Variants in ASTN2 observed in about 807,000 individuals in gnomAD.
ASTN2 encodes the protein astrotactin-2.
A neutral mutation model predicts 139.8 loss-of-function variants in ASTN2; 54 were observed. That is an observed-to-expected ratio of 0.39 (90% CI 0.31 to 0.48). ASTN2 has a LOEUF of 0.48. Among genes scored for constraint, ASTN2 ranks in the 20% least tolerant of loss-of-function variants. The pLI, the probability that ASTN2 is intolerant of heterozygous loss-of-function variation, is 0.95. For missense variants in ASTN2, 1,565 were observed against 1,725.1 expected (o/e 0.91, Z 1.64); for synonymous variants, 756 against 719.5 (o/e 1.05, Z -0.81).
intron 20 of ASTN2, among the ~76,000 whole-genome samples, chr9:116,442,770 A>T (rs983340785): frequency 6.6e-6 from 1 of 152,196 alleles, no homozygotes; most frequent in Non-Finnish European, 1.5e-5. Context: ...CATCTTGTCA[A>T]TGAGGACACT....
chr9:116,675,276 G>T (rs891696553), intron 16 of ASTN2, among the ~76,000 whole-genome samples: 1 of 152,166 alleles, frequency 6.6e-6, no homozygotes, highest in African/African-American at 2.4e-5. Context: ...ATCACAGGGT[G>T]TCAGTCTGTA....
intron 7 of ASTN2, among the ~76,000 whole-genome samples, chr9:117,006,201 A>G (rs1837349603): frequency 6.6e-6 from 1 of 152,096 alleles, no homozygotes; most frequent in Non-Finnish European, 1.5e-5. Flanking sequence ...AGGTTCTACT[A>G]CTGGAACCCC....
chr9:117,186,440 G>A (rs1324683022), intron 3 of ASTN2, among the ~76,000 whole-genome samples: 3 of 152,118 alleles, frequency 2.0e-5, no homozygotes, highest in East Asian at 3.9e-4. Flanking sequence ...CCAGCTACTC[G>A]GGAGGCTGAA....
At chr9:116,528,596 A>G (rs1182572079) in intron 19 of ASTN2, among the ~76,000 whole-genome samples, 9 of 152,206 alleles carry the variant, frequency 5.9e-5, no homozygotes, top group African/African-American at 2.2e-4. Context: ...AGTAAAGAGA[A>G]ACCAAATGTT....
At chr9:116,707,901 C>A (rs1201109115) in intron 16 of ASTN2, among the ~76,000 whole-genome samples, 1 of 152,066 alleles carries the variant, frequency 6.6e-6, no homozygotes, top group African/African-American at 2.4e-5. Flanking sequence ...AATAGATATG[C>A]CTCATCTTAA....
intron 19 of ASTN2, among the ~76,000 whole-genome samples, chr9:116,527,469 A>C (rs1851144233): frequency 6.6e-6 from 1 of 152,234 alleles, no homozygotes; most frequent in Admixed American, 6.5e-5. Flanking sequence ...TTAAAACTGC[A>C]ATAAGAAATC....
intron 17 of ASTN2, among the ~76,000 whole-genome samples, chr9:116,643,917 T>A (rs1257298944): frequency 6.6e-6 from 1 of 152,206 alleles, no homozygotes; most frequent in African/African-American, 2.4e-5. Flanking sequence ...TAGTAGCATA[T>A]GTGTCCTTGT....
intron 5 of ASTN2, among the ~76,000 whole-genome samples, chr9:117,061,573 G>A (rs928762039): frequency 1.3e-5 from 2 of 152,120 alleles, no homozygotes; most frequent in Admixed American, 1.3e-4. Context: ...TAAACGTCCA[G>A]CTTAAGCCCT....
At chr9:117,003,976 GT>G (rs1837282392) in intron 7 of ASTN2, among the ~76,000 whole-genome samples, 1 of 148,524 alleles carries the variant, frequency 6.7e-6, no homozygotes, top group African/African-American at 2.5e-5. Flanking sequence ...GTGTGTGTGT[GT>G]TTTGCGTGTT....
intron 13 of ASTN2, among the ~76,000 whole-genome samples, chr9:116,735,406 T>A (rs898085966): frequency 6.6e-6 from 1 of 152,220 alleles, no homozygotes; most frequent in Non-Finnish European, 1.5e-5. Context: ...GGACTAAATG[T>A]CCTCATGCTT....
At chr9:117,380,296 C>T (rs1376394829) in intron 1 of ASTN2, among the ~76,000 whole-genome samples, 1 of 152,018 alleles carries the variant, frequency 6.6e-6, no homozygotes, top group Non-Finnish European at 1.5e-5. Context: ...AGAAAGAGAT[C>T]ACAGGATGCT....
chr9:116,715,537 G>A (rs908853917), intron 16 of ASTN2, among the ~76,000 whole-genome samples: 1 of 151,962 alleles, frequency 6.6e-6, no homozygotes, highest in African/African-American at 2.4e-5. Context: ...TTTCCTCCAG[G>A]AAGACTTCCC....
intron 4 of ASTN2, among the ~76,000 whole-genome samples, chr9:117,099,190 T>TA (rs1271005492): frequency 2.0e-5 from 3 of 151,942 alleles, no homozygotes; most frequent in Non-Finnish European, 4.4e-5. Flanking sequence ...AGGCATCTGA[T>TA]AAAGTCATTC....
Position 116,805,636 on chromosome 9 carries a change from A to G in ASTN2, c.2392T>C (p.Phe798Leu). 6.2e-7 allele frequency: 1 copy of G among 1,613,562 alleles called. No individual in the cohort carries two copies. Among genetic ancestry groups the G allele is most frequent in the Non-Finnish European group, 8.5e-7 (1 of 1,179,710 alleles). The change falls in exon 13 of 23, where the codon TTT becomes CTT. Residue 798 changes from phenylalanine (F) to leucine (L), a missense_variant. By Grantham distance (22) the Phe-to-Leu change is conservative. Transcript: ENST00000313400. ...GTGCAAGTATCTACAGCATACCTAA[A>G]GGTCATCTGGAAGACTTGGCCTTGG... Reference protein sequence around the residue: ...VNQGQVFQMTFRENNFIKDFP... With the variant: ...VNQGQVFQMTLRENNFIKDFP...
Position 116,590,992 on chromosome 9 carries a change from C to T in ASTN2, c.3355+27332G>A, listed in dbSNP as rs146092613. Among the ~76,000 whole-genome samples the T allele has an allele frequency of 2.0e-3, 306 of 152,314 alleles. 2 individuals are homozygous for T. The highest frequency in any genetic ancestry group is 6.8e-3 in the Middle Eastern group (2 of 294). ...CTCAATGAAGCTCCTCTTTGCCGTG[C>T]TCACCCTTCACTTGTCTGTGTACCT... On this transcript the variant is annotated intron_variant, in intron 19 of 22. Coordinates refer to ENST00000313400, the MANE Select transcript of ASTN2 (RefSeq NM_001365068.1).
chr9:116,924,442 A>G (rs112443692), intron 10 of ASTN2, among the ~76,000 whole-genome samples: 2,813 of 150,970 alleles, frequency 0.019, 81 homozygotes, highest in African/African-American at 0.06. Context: ...AAAAAAAAAA[A>G]AAAAAAAAAG....
intron 5 of ASTN2, among the ~76,000 whole-genome samples, chr9:117,082,568 G>A (rs971720582): frequency 4.6e-5 from 7 of 152,184 alleles, no homozygotes; most frequent in East Asian, 1.9e-4. Flanking sequence ...CTTCCTGGCC[G>A]AGGCAGGCAG....
chr9:117,235,351 T>C (rs1167410725), intron 2 of ASTN2, among the ~76,000 whole-genome samples: 2 of 152,164 alleles, frequency 1.3e-5, no homozygotes, highest in African/African-American at 2.4e-5. Context: ...TCAATCCTCA[T>C]TGGAAATCTG....
chr9:116,730,161 T>C (rs1249690287), intron 14 of ASTN2, among the ~76,000 whole-genome samples: 1 of 152,300 alleles, frequency 6.6e-6, no homozygotes, highest in Admixed American at 6.5e-5. Context: ...TTACTGTTTT[T>C]ATGTATCCAC....
Sources: gnomAD v4.1 joint callset for allele counts (sites outside exome capture counted in the v4.1 genomes callset) on GRCh38, gnomAD v4.1.1 for gene constraint, MANE v1.5 for transcripts, NCBI Gene and HGNC (gene_info 2026-07-23, HGNC 2026-07-21) for gene names.